The following ABCC1 variants were observed in gnomAD, a reference collection of about 807,000 sequenced individuals.
The protein encoded by ABCC1 is multidrug resistance-associated protein 1.
A neutral mutation model predicts 172.9 loss-of-function variants in ABCC1; 83 were observed. That is an observed-to-expected ratio of 0.48 (90% CI 0.40 to 0.58). The LOEUF (loss-of-function observed/expected upper bound fraction) is 0.58. ABCC1 is among the 20% of genes least tolerant of loss of function. ABCC1 has a pLI of 0.00. For synonymous variants in ABCC1, 937 were observed against 825.2 expected (o/e 1.14, Z -2.32); for missense variants, 1,817 against 2,002.7 (o/e 0.91, Z 1.77).
chr16:15,979,356 T>C (rs913704812), intron 1 of ABCC1, among the ~76,000 whole-genome samples: 3 of 152,042 alleles, frequency 2.0e-5, no homozygotes, highest in Non-Finnish European at 2.9e-5. Context: ...GTAGTCTAGA[T>C]GAGATACGCT....
chr16:16,052,604 C>A, intron 10 of ABCC1, 120 bp from the exon 11 acceptor site: 1 of 850,254 alleles, frequency 1.2e-6, no homozygotes. Flanking sequence ...GTAAAAGTAA[C>A]ACACCTTGCC....
chr16:15,966,651 C>CT (rs34159339), intron 1 of ABCC1, among the ~76,000 whole-genome samples: 80,908 of 138,610 alleles, frequency 0.58, 24,294 homozygotes, highest in South Asian at 0.69. Flanking sequence ...TTCTCTCTCT[C>CT]TTTTTTTTTT....
At chr16:15,985,897 C>T (rs1481860001) in intron 1 of ABCC1, among the ~76,000 whole-genome samples, 1 of 152,092 alleles carries the variant, frequency 6.6e-6, no homozygotes, top group Non-Finnish European at 1.5e-5. Flanking sequence ...CCCTGTCCAG[C>T]ATCAAGAGGC....
intron 7 of ABCC1, among the ~76,000 whole-genome samples, chr16:16,038,090 TGATA>T (rs938602656): frequency 4.0e-4 from 60 of 149,396 alleles, no homozygotes; most frequent in African/African-American, 1.4e-3. Context: ...GATGATAGAT[TGATA>T]GATGATAGGT....
intron 5 of ABCC1, among the ~76,000 whole-genome samples, chr16:16,017,592 T>TTAATTAATTAA (rs2048047449): frequency 6.6e-6 from 1 of 151,992 alleles, no homozygotes; most frequent in East Asian, 1.9e-4. Flanking sequence ...TGGCTTACTT[T>TTAATTAATTAA]TAATTAATTA....
intron 16 of ABCC1, 50 bp downstream of exon 16, chr16:16,079,528 G>A (rs774565999): frequency 3.2e-6 from 5 of 1,579,676 alleles, no homozygotes; most frequent in Non-Finnish European, 2.6e-6. Context: ...GGTGGTCTGA[G>A]GAAAAGCTCA....
intron 26 of ABCC1, among the ~76,000 whole-genome samples, chr16:16,129,066 C>G (rs1411779278): frequency 6.6e-6 from 1 of 152,204 alleles, no homozygotes; most frequent in African/African-American, 2.4e-5. Context: ...TTCCTCTCCT[C>G]TCCAGAGAGA....
intron 6 of ABCC1, among the ~76,000 whole-genome samples, chr16:16,035,259 G>T (rs1158774556): frequency 6.6e-6 from 1 of 151,840 alleles, no homozygotes; most frequent in Non-Finnish European, 1.5e-5. Flanking sequence ...AAAATTAGCC[G>T]GGCAGCACAC....
intron 1 of ABCC1, among the ~76,000 whole-genome samples, chr16:15,985,829 T>C (rs1051706390): frequency 1.3e-5 from 2 of 151,860 alleles, no homozygotes; most frequent in African/African-American, 4.8e-5. Flanking sequence ...GAGTCAGAGG[T>C]CCAAAATGTA....
At chr16:16,014,704 A>T (rs1421412232) in intron 4 of ABCC1, 76 bp downstream of exon 4, 17 of 1,556,992 alleles carry the variant, frequency 1.1e-5, no homozygotes, top group Non-Finnish European at 1.4e-5. Context: ...TGGCTTGTGT[A>T]GAAGTCATGC....
intron 12 of ABCC1, among the ~76,000 whole-genome samples, chr16:16,061,025 A>G (rs1028234219): frequency 6.6e-6 from 1 of 152,070 alleles, no homozygotes; most frequent in South Asian, 2.1e-4. Context: ...CCAGGGTTCA[A>G]GCAATTCTCC....
rs577408764 is a variant in ABCC1, at chr16:16,138,800, C to T, written c.4487+242C>T. 9.9e-4 allele frequency among the ~76,000 whole-genome samples: 144 copies of T among 145,872 alleles called. 1 individual carries two copies. The highest frequency in any genetic ancestry group is 3.6e-3 in the African/African-American group (139 of 39,108). Reference sequence around the variant, plus strand: ...TCTCGGCTCACTGCAACCTCTGCCTCTGGGGTTCAAGCATTTCTCCTGCCT... The same window carrying T: ...TCTCGGCTCACTGCAACCTCTGCCTTTGGGGTTCAAGCATTTCTCCTGCCT... On this transcript the variant is annotated intron_variant, in intron 30 of 30. Transcript: ENST00000399410.
In ABCC1 at chr16:16,136,575, T is replaced by C; in HGVS notation, c.4223T>C (p.Leu1408Pro). The C allele has an allele frequency of 1.2e-6, 2 of 1,614,168 alleles. No individual in the cohort carries two copies. The highest frequency in any genetic ancestry group is 1.3e-5 in the African/African-American group (1 of 75,060). The change falls in exon 29 of 31, where the codon CTG (leucine) becomes CCG (proline). Residue 1408 changes from leucine to proline, a missense_variant. Physicochemically the swap from Leu to Pro is moderately conservative, Grantham distance 98. Transcript: ENST00000399410. ...EVWTSLELAH[L>P]KDFVSALPDK... is the part of the protein sequence containing the mutation. ...TGGACGTCCCTGGAGCTGGCCCACC[T>C]GAAGGACTTCGTGTCAGCCCTTCCT...
At chr16:16,090,257 T>C (rs1567391697) in intron 18 of ABCC1, 148 bp from the exon 19 acceptor site, 2 of 707,100 alleles carry the variant, frequency 2.8e-6, no homozygotes, top group East Asian at 5.9e-5. Context: ...TCCTGGATGC[T>C]GTTATCGCGG....
intron 20 of ABCC1, among the ~76,000 whole-genome samples, chr16:16,104,357 C>T (rs1463130981): frequency 6.6e-6 from 1 of 152,132 alleles, no homozygotes; most frequent in South Asian, 2.1e-4. Context: ...TCCGTTTTGA[C>T]AGGGTGCTGA....
chr16:16,046,390 A>G (rs1344985341), intron 9 of ABCC1, among the ~76,000 whole-genome samples: 7 of 151,476 alleles, frequency 4.6e-5, no homozygotes, highest in East Asian at 3.9e-4. Context: ...TCTCCCCCAG[A>G]CTGGAGTGCA....
At chr16:15,952,502 T>C (rs2045895380) in intron 1 of ABCC1, among the ~76,000 whole-genome samples, 1 of 151,970 alleles carries the variant, frequency 6.6e-6, no homozygotes. Context: ...AAATGGCCCA[T>C]GATAAGTGTT....
chr16:16,036,654 A>T, intron 7 of ABCC1, 51 bp downstream of exon 7: 2 of 1,593,930 alleles, frequency 1.3e-6, no homozygotes, highest in Admixed American at 1.7e-5. Flanking sequence ...CCTCCTTTCC[A>T]CTCCTGTGGC....
At chr16:16,126,785 G>C (rs1300600437) in intron 26 of ABCC1, among the ~76,000 whole-genome samples, 1 of 152,188 alleles carries the variant, frequency 6.6e-6, no homozygotes, top group Non-Finnish European at 1.5e-5. Context: ...GAGAAATTAA[G>C]TCTAAGTGAC....
Sources: allele counts gnomAD v4.1 joint callset (sites outside exome capture counted in the v4.1 genomes callset), GRCh38; gene constraint gnomAD v4.1.1; transcripts MANE v1.5; gene names NCBI Gene and HGNC (gene_info 2026-07-23, HGNC 2026-07-21).